NXPH2: variants seen among roughly 807,000 people sequenced by gnomAD.
The protein encoded by NXPH2 is neurexophilin 2, also known as neurexophilin-2.
Under a neutral mutation model 19.8 loss-of-function variants are expected in NXPH2, and 5 were observed. The ratio of observed to expected loss-of-function variants is 0.25; its 90% CI spans 0.13 to 0.53. NXPH2 has a LOEUF of 0.53. NXPH2 is among the 20% of genes least tolerant of loss of function. NXPH2 has a pLI of 0.96. For missense variants in NXPH2, 289 were observed against 322.8 expected, an observed-to-expected ratio of 0.90 and a Z score of 0.80; for synonymous variants, 154 against 127.4, an observed-to-expected ratio of 1.21 and a Z score of -1.41.
chr2:138,719,083 A>C (rs12466305), intron 1 of NXPH2, among the ~76,000 whole-genome samples: 46,293 of 152,160 alleles, frequency 0.3, 8,705 homozygotes, highest in Non-Finnish European at 0.43. Flanking sequence ...ACAGTAAGAA[A>C]GACAGCTTTT....
intron 1 of NXPH2, among the ~76,000 whole-genome samples, chr2:138,675,971 G>A (rs115126582): frequency 0.088 from 13,315 of 152,016 alleles, 804 homozygotes; most frequent in Non-Finnish European, 0.11. Context: ...GTGTGTGTGT[G>A]TGTGTGTGTG....
At chr2:138,772,586 C>T (rs541654517) in intron 1 of NXPH2, among the ~76,000 whole-genome samples, 1 of 152,150 alleles carries the variant, frequency 6.6e-6, no homozygotes, top group African/African-American at 2.4e-5. Flanking sequence ...GGTGAGCCAC[C>T]GCGCCCGGCC....
At chr2:138,674,185 G>A (rs1680452867) in intron 1 of NXPH2, among the ~76,000 whole-genome samples, 1 of 151,270 alleles carries the variant, frequency 6.6e-6, no homozygotes, top group African/African-American at 2.4e-5. Context: ...ATACAGTCTT[G>A]TTCTATCACC....
chr2:138,758,414 T>C (rs1381550443), intron 1 of NXPH2, among the ~76,000 whole-genome samples: 1 of 152,158 alleles, frequency 6.6e-6, no homozygotes, highest in Non-Finnish European at 1.5e-5. Context: ...TTCTATCTCC[T>C]TATTTACAGG....
intron 1 of NXPH2, among the ~76,000 whole-genome samples, chr2:138,694,571 C>T (rs1392060635): frequency 1.3e-5 from 2 of 152,124 alleles, no homozygotes; most frequent in Non-Finnish European, 2.9e-5. Flanking sequence ...GGACTAGAGG[C>T]TTCAGAGACG....
At chr2:138,743,849 A>G (rs1282237830) in intron 1 of NXPH2, among the ~76,000 whole-genome samples, 1 of 151,974 alleles carries the variant, frequency 6.6e-6, no homozygotes, top group Non-Finnish European at 1.5e-5. Context: ...TTAAAAGTAC[A>G]AAAATTAGTC....
chr2:138,779,636 G>A (rs1034479995), intron 1 of NXPH2, among the ~76,000 whole-genome samples: 3 of 152,084 alleles, frequency 2.0e-5, no homozygotes, highest in African/African-American at 7.2e-5. Flanking sequence ...GCGCCAGACG[G>A]AAAACGAAGA....
At position 138,744,714 on chromosome 2, in the gene NXPH2, G is replaced by A. The variant is rs1681699362; in HGVS notation, c.51+35477C>T. On this transcript the variant is annotated intron_variant, in intron 1 of 1. Coordinates refer to ENST00000272641, the MANE Select transcript of NXPH2 (RefSeq NM_007226.3). ...ATGCTTCCCAGTCACTCTCTCTCGG[G>A]CACTGGTCCTTAAGGTCTGCTTTTT... 5.9e-5 allele frequency among the ~76,000 whole-genome samples: 9 copies of A among 152,162 alleles called. No homozygotes were observed. The South Asian group carries it at 1.9e-3, about 32-fold the overall frequency.
At chr2:138,679,225 T>G (rs1377086484) in intron 1 of NXPH2, among the ~76,000 whole-genome samples, 1 of 152,200 alleles carries the variant, frequency 6.6e-6, no homozygotes, top group Admixed American at 6.5e-5. Flanking sequence ...AATCATGCCT[T>G]TATCAGAACA....
intron 1 of NXPH2, among the ~76,000 whole-genome samples, chr2:138,757,955 T>C (rs907611687): frequency 1.3e-5 from 2 of 152,108 alleles, no homozygotes; most frequent in African/African-American, 2.4e-5. Context: ...GGGATGGGAA[T>C]GCTGGCATGA....
chr2:138,682,261 A>C (rs1007508206), intron 1 of NXPH2, among the ~76,000 whole-genome samples: 3 of 152,190 alleles, frequency 2.0e-5, no homozygotes, highest in Admixed American at 2.0e-4. Flanking sequence ...CTTGTAAACA[A>C]ATCTTGGAAA....
chr2:138,714,063 G>T (rs1681153099), intron 1 of NXPH2, among the ~76,000 whole-genome samples: 1 of 151,638 alleles, frequency 6.6e-6, no homozygotes, highest in South Asian at 2.1e-4. Context: ...TGTCATAAAA[G>T]TGTAGCAGCT....
chr2:138,670,493 T>C lies in NXPH2; in HGVS notation c.*429A>G, dbSNP rs867506122. Among the ~76,000 whole-genome samples the C allele has an allele frequency of 3.3e-5, 5 of 152,198 alleles. No individual in the cohort carries two copies. Among genetic ancestry groups the C allele is most frequent in the Middle Eastern group, 3.2e-3 (1 of 316 alleles). Reference sequence around the variant, plus strand: ...CAATGTCAAAAACACAATTCATCTATCAAATACAATCTTTTCCTTTACCGC... The same window carrying C: ...CAATGTCAAAAACACAATTCATCTACCAAATACAATCTTTTCCTTTACCGC... On this transcript the variant is annotated 3_prime_UTR_variant, in exon 2 of 2. Coordinates refer to ENST00000272641, the MANE Select transcript of NXPH2 (RefSeq NM_007226.3).
chr2:138,679,695 G>A (rs936115373), intron 1 of NXPH2, among the ~76,000 whole-genome samples: 1 of 152,034 alleles, frequency 6.6e-6, no homozygotes, highest in African/African-American at 2.4e-5. Context: ...CCACTGCGCC[G>A]GGCCGAGGCC....
intron 1 of NXPH2, among the ~76,000 whole-genome samples, chr2:138,715,067 C>G (rs1681173243): frequency 6.6e-6 from 1 of 152,114 alleles, no homozygotes; most frequent in African/African-American, 2.4e-5. Context: ...CATTGGTGTT[C>G]TATCAACTCT....
chr2:138,702,785 C>A (rs1021505993), intron 1 of NXPH2, among the ~76,000 whole-genome samples: 1 of 151,942 alleles, frequency 6.6e-6, no homozygotes, highest in East Asian at 1.9e-4. Context: ...ACAACAACAA[C>A]AACAAAAAGT....
intron 1 of NXPH2, among the ~76,000 whole-genome samples, chr2:138,687,418 T>A (rs1680677091): frequency 1.3e-5 from 2 of 152,186 alleles, no homozygotes; most frequent in African/African-American, 4.8e-5. Flanking sequence ...TCTTGTAAAT[T>A]TGTTTGAGTT....
At chr2:138,672,927 C>T (rs1188719143) in intron 1 of NXPH2, among the ~76,000 whole-genome samples, 1 of 152,128 alleles carries the variant, frequency 6.6e-6, no homozygotes, top group African/African-American at 2.4e-5. Context: ...ATTGTATGTT[C>T]ATAAAAGTTT....
At chr2:138,756,380 T>A (rs896619154) in intron 1 of NXPH2, among the ~76,000 whole-genome samples, 18 of 152,194 alleles carry the variant, frequency 1.2e-4, no homozygotes, top group Middle Eastern at 3.4e-3. Context: ...CACCAATTAT[T>A]TTAAGCACCC....
Sources: gnomAD v4.1 joint callset for allele counts (sites outside exome capture counted in the v4.1 genomes callset) on GRCh38, gnomAD v4.1.1 for gene constraint, MANE v1.5 for transcripts, NCBI Gene and HGNC (gene_info 2026-07-23, HGNC 2026-07-21) for gene names.